Variants in DIXDC1 observed in about 807,000 individuals in gnomAD.
DIXDC1 encodes dixin.
A neutral mutation model predicts 103.1 loss-of-function variants in DIXDC1; 64 were observed. The ratio of observed to expected loss-of-function variants is 0.62; its 90% CI spans 0.51 to 0.76. The LOEUF (loss-of-function observed/expected upper bound fraction) is 0.76, where lower values mean the gene tolerates loss of function less well. DIXDC1 is among the 30% of genes least tolerant of loss of function. The probability of loss-of-function intolerance (pLI) is 0.00; values close to 1 mark genes in which losing one functional copy is unlikely to be tolerated. For synonymous variants in DIXDC1, 266 were observed against 298.5 expected (o/e 0.89, Z 1.12); for missense variants, 759 against 834.2 (o/e 0.91, Z 1.11).
intron 5 of DIXDC1, among the ~76,000 whole-genome samples, chr11:111,980,112 T>C (rs1463838180): frequency 6.6e-6 from 1 of 152,200 alleles, no homozygotes; most frequent in African/African-American, 2.4e-5. Flanking sequence ...TTTGACATAT[T>C]ATCTTCCCCT....
intron 1 of DIXDC1, among the ~76,000 whole-genome samples, chr11:111,929,050 G>A (rs1283461397): frequency 6.6e-6 from 1 of 152,048 alleles, no homozygotes; most frequent in Non-Finnish European, 1.5e-5. Context: ...ATGGTGGCAC[G>A]TGCCTGTAGT....
At position 111,996,118 on chromosome 11, in the gene DIXDC1, A is replaced by C; in HGVS notation, c.1728A>C (p.Glu576Asp). The C allele has an allele frequency of 6.2e-7, 1 of 1,613,798 alleles. No individual in the cohort carries two copies. The highest frequency in any genetic ancestry group is 8.5e-7 in the Non-Finnish European group (1 of 1,179,812). ...VKSPRTQVGS[E>D]YRESWPPNSK... ...CACCCAGAACTCAAGTAGGTAGTGA[A>C]TACCGGGAGTCCTGGCCCCCTAACT... is the stretch of plus-strand genomic sequence containing the variant. Residue 576 changes from glutamate to aspartate, a missense_variant, in exon 17 of 20, where the codon GAA becomes GAC. Around this residue, in one of 3 missense-constraint regions of DIXDC1, gnomAD observed 657 missense variants for 727.5 expected, o/e 0.90. Transcript: ENST00000440460.
At chr11:111,965,425 A>G (rs1442215847) in intron 2 of DIXDC1, among the ~76,000 whole-genome samples, 8 of 152,198 alleles carry the variant, frequency 5.3e-5, no homozygotes, top group African/African-American at 1.9e-4. Flanking sequence ...AGGTTCTCAA[A>G]CATTTATTGT....
chr11:111,949,928 T>A (rs1966722494), intron 1 of DIXDC1, among the ~76,000 whole-genome samples: 1 of 152,164 alleles, frequency 6.6e-6, no homozygotes. Context: ...CTTTTTTTTT[T>A]AAACGTTTCT....
intron 1 of DIXDC1, among the ~76,000 whole-genome samples, chr11:111,941,504 G>A (rs587709312): frequency 4.6e-5 from 7 of 152,090 alleles, no homozygotes; most frequent in African/African-American, 1.2e-4. Flanking sequence ...AGATTCATCC[G>A]CTTGGCAGTC....
chr11:111,947,249 A>C (rs587753277), intron 1 of DIXDC1, among the ~76,000 whole-genome samples: 1 of 152,264 alleles, frequency 6.6e-6, no homozygotes, highest in African/African-American at 2.4e-5. Context: ...TGCTTCTTAC[A>C]CAAGTTATAA....
At chr11:111,970,618 C>T (rs184517826) in intron 3 of DIXDC1, among the ~76,000 whole-genome samples, 92 of 150,562 alleles carry the variant, frequency 6.1e-4, no homozygotes, top group Admixed American at 5.2e-3. Flanking sequence ...GCCAAGATTG[C>T]GCCACTACAC....
intron 2 of DIXDC1, among the ~76,000 whole-genome samples, chr11:111,930,588 G>T (rs587742977): frequency 6.6e-6 from 1 of 152,210 alleles, no homozygotes; most frequent in South Asian, 2.1e-4. Context: ...TTTAATGTGG[G>T]CACGTTTGGT....
intron 5 of DIXDC1, among the ~76,000 whole-genome samples, chr11:111,980,048 T>C (rs1344986067): frequency 1.3e-5 from 2 of 152,238 alleles, no homozygotes; most frequent in Non-Finnish European, 2.9e-5. Flanking sequence ...AACTTTTTGA[T>C]AGGAATAAAT....
intron 1 of DIXDC1, among the ~76,000 whole-genome samples, chr11:111,937,906 T>G (rs896779299): frequency 2.0e-5 from 3 of 152,224 alleles, no homozygotes; most frequent in African/African-American, 7.2e-5. Flanking sequence ...TCCCTGGATA[T>G]TTGGCAAAAG....
In DIXDC1 at chr11:111,941,837, T is replaced by C. The variant is rs200078730; in HGVS notation, c.60+4278T>C. ...TGTCTCAAAACAAAACGAAACAAAA[T>C]ACACACACACACACACACACACACA... On this transcript the variant is annotated intron_variant, in intron 1 of 19. Transcript: ENST00000440460. Among the ~76,000 whole-genome samples, 8 of 139,282 alleles carry C rather than the reference T, an allele frequency of 5.7e-5. No individual in the cohort carries two copies. The East Asian group carries it at 1.0e-3, about 18-fold the overall frequency. The allele number at this position is 139,282 out of a possible 152,430, so 91.4% of individuals were successfully genotyped here. A position where few individuals can be genotyped will look rare whatever the true frequency, so the allele number is the denominator to read the frequency against.
At chr11:111,944,252 C>T (rs945166906) in intron 1 of DIXDC1, among the ~76,000 whole-genome samples, 1 of 152,226 alleles carries the variant, frequency 6.6e-6, no homozygotes, top group African/African-American at 2.4e-5. Flanking sequence ...TGAACTGTCT[C>T]TCTAGCATAC....
At chr11:111,936,845 A>AGTATGTGTGT (rs1401003819), upstream of DIXDC1, among the ~76,000 whole-genome samples, 36 of 140,758 alleles carry the variant, frequency 2.6e-4, no homozygotes, top group African/African-American at 8.9e-4. Context: ...TTAAGTTAGC[A>AGTATGTGTGT]GTGTGTGTGT....
intron 17 of DIXDC1, among the ~76,000 whole-genome samples, chr11:112,008,330 T>C (rs1555176874): frequency 6.6e-6 from 1 of 152,104 alleles, no homozygotes; most frequent in Non-Finnish European, 1.5e-5. Context: ...CTTAGAGACC[T>C]ACAAAGAGAC....
Position 111,977,549 on chromosome 11 carries a change from A to C in DIXDC1, c.656+2566A>C, listed in dbSNP as rs1409032440. 1 of 1,464,884 alleles carries C rather than the reference A, an allele frequency of 6.8e-7. No homozygotes were observed. The highest frequency in any genetic ancestry group is 2.6e-5 in the East Asian group (1 of 38,556). 90.7% of individuals were successfully genotyped at this position (1,464,884 alleles called of 1,614,324 possible). The stretch of plus-strand genomic sequence containing the variant: ...GAGCGGCCGGGACTGCGCGCTTCAG[A>C]GCCTGGAGCATCCCAGTCGCTGGGG... On this transcript the variant is annotated intron_variant, in intron 5 of 19. Transcript: ENST00000440460. This position sits in a 1 kb window ranked among gnomAD's most constrained non-coding sequence, Gnocchi z 6.1.
At chr11:111,931,891 A>T (rs1269866721) in intron 2 of DIXDC1, among the ~76,000 whole-genome samples, 1 of 152,136 alleles carries the variant, frequency 6.6e-6, no homozygotes, top group East Asian at 1.9e-4. Flanking sequence ...CTGACACCTG[A>T]TCAACTGATA....
chr11:111,988,426 C>T (rs587650810), intron 9 of DIXDC1, among the ~76,000 whole-genome samples: 2 of 152,224 alleles, frequency 1.3e-5, no homozygotes, highest in East Asian at 3.9e-4. Context: ...TATGGTTGTT[C>T]CCCTTCTAAA....
intron 1 of DIXDC1, among the ~76,000 whole-genome samples, chr11:111,951,667 G>C (rs1404860849): frequency 6.6e-6 from 1 of 152,038 alleles, no homozygotes; most frequent in African/African-American, 2.4e-5. Flanking sequence ...TTGAATCATG[G>C]GGGCAGGTCT....
At chr11:112,010,026 G>A (rs1566577084) in intron 17 of DIXDC1, among the ~76,000 whole-genome samples, 1 of 152,120 alleles carries the variant, frequency 6.6e-6, no homozygotes, top group Non-Finnish European at 1.5e-5. Context: ...AATTGTCTAT[G>A]TTTGCAGATG....
Sources: allele counts gnomAD v4.1 joint callset (sites outside exome capture counted in the v4.1 genomes callset), GRCh38; gene constraint gnomAD v4.1.1; regional missense constraint gnomAD v4.1.1; non-coding constraint Gnocchi (gnomAD v3.1); transcripts MANE v1.5; gene names NCBI Gene and HGNC (gene_info 2026-07-23, HGNC 2026-07-21).